Variants in RXRA observed in about 807,000 individuals in gnomAD.
The protein encoded by RXRA is retinoic acid receptor RXR-alpha.
Under a neutral mutation model 44.5 loss-of-function variants are expected in RXRA, and 5 were observed. That is an observed-to-expected ratio of 0.11 (90% confidence interval 0.06 to 0.24). The LOEUF is 0.24. Ranked by LOEUF, RXRA falls within the 10% of genes least tolerant of loss-of-function variation. The pLI is 1.00. For missense variants in RXRA, 412 were observed against 646.5 expected (o/e 0.64, Z 3.93); for synonymous variants, 291 against 271.4 (o/e 1.07, Z -0.71).
intron 1 of RXRA, among the ~76,000 whole-genome samples, chr9:134,377,002 C>A (rs1006232796): frequency 3.3e-5 from 5 of 152,206 alleles, no homozygotes; most frequent in African/African-American, 1.2e-4. Flanking sequence ...GTGCCACGCC[C>A]ACTGTCCTTG....
intron 1 of RXRA, among the ~76,000 whole-genome samples, chr9:134,361,252 C>G (rs920670251): frequency 6.6e-6 from 1 of 152,200 alleles, no homozygotes; most frequent in Non-Finnish European, 1.5e-5. Context: ...AGACCCTTTT[C>G]AATGTCCTCA....
chr9:134,341,804 C>T (rs1240743769), intron 1 of RXRA, among the ~76,000 whole-genome samples: 1 of 152,196 alleles, frequency 6.6e-6, no homozygotes, highest in African/African-American at 2.4e-5. Flanking sequence ...TCCTCTGGGT[C>T]TTGGCCTGAG....
At position 134,366,769 on chromosome 9, in the gene RXRA, C is replaced by T. The variant is rs1369449894; in HGVS notation, c.29-34863C>T. ...CTCCACGGAAAAGGAAGCCTGGCAC[C>T]CCCCATGTTTCACGTAGGCCACCCT... On this transcript the variant is annotated intron_variant, in intron 1 of 9. Transcript: ENST00000481739. This position sits in a 1 kb window ranked among gnomAD's most constrained non-coding sequence, Gnocchi z 5.9. 6.6e-6 allele frequency among the ~76,000 whole-genome samples: 1 copy of T among 152,186 alleles called. No homozygotes were observed. The highest frequency in any genetic ancestry group is 2.4e-5 in the African/African-American group (1 of 41,436).
intron 1 of RXRA, among the ~76,000 whole-genome samples, chr9:134,367,678 C>T (rs1465727564): frequency 6.6e-6 from 1 of 152,210 alleles, no homozygotes; most frequent in Non-Finnish European, 1.5e-5. Context: ...CCTGCCTGTG[C>T]AGGGGGTGTG....
At chr9:134,345,822 T>C (rs1830143503) in intron 1 of RXRA, among the ~76,000 whole-genome samples, 1 of 152,196 alleles carries the variant, frequency 6.6e-6, no homozygotes, top group African/African-American at 2.4e-5. Context: ...GCCCGGCTCA[T>C]TCATGACTAA....
intron 2 of RXRA, chr9:134,402,387 G>T: frequency 6.4e-6 from 1 of 156,396 alleles, no homozygotes; most frequent in Non-Finnish European, 1.4e-5. Flanking sequence ...AGGTGTGGCA[G>T]CGGTGCTCTG....
chr9:134,342,993 A>G lies in RXRA; in HGVS notation c.28+16334A>G, dbSNP rs11185653. On this transcript the variant is annotated intron_variant, in intron 1 of 9. Coordinates refer to ENST00000481739, the MANE Select transcript of RXRA (RefSeq NM_002957.6). The surrounding 1 kb of genome is among the most constrained non-coding windows in gnomAD (Gnocchi z 4.4). ...GGAAACCCAATCCCGCAGCCTAGGCAGTGGGGGGACCTCCTTCTAGAGAGG... is the reference window on the plus strand; with the variant it reads ...GGAAACCCAATCCCGCAGCCTAGGCGGTGGGGGGACCTCCTTCTAGAGAGG... Among the ~76,000 whole-genome samples, 50,617 of 152,066 alleles carry G rather than the reference A, an allele frequency of 0.33. 8,748 individuals carry two copies. The highest frequency in any genetic ancestry group is 0.42 in the African/African-American group (17,271 of 41,458).
At chr9:134,435,913 T>A (rs866388331) in intron 9 of RXRA, among the ~76,000 whole-genome samples, 30 of 152,380 alleles carry the variant, frequency 2.0e-4, no homozygotes, top group Middle Eastern at 6.8e-3. Flanking sequence ...TCGCCCAGGC[T>A]GGAGTGCAGT....
intron 2 of RXRA, chr9:134,403,188 G>A (rs1049957744): frequency 5.2e-5 from 8 of 152,598 alleles, no homozygotes; most frequent in Admixed American, 5.2e-4. Flanking sequence ...ACCTGGCCCT[G>A]TTTAGAGCTG....
In RXRA at chr9:134,434,227, A is replaced by C. The variant is rs1334205818; in HGVS notation, c.1241+20A>C. 6.4e-7 allele frequency: 1 copy of C among 1,565,650 alleles called. No individual in the cohort carries two copies. The highest frequency in any genetic ancestry group is 8.8e-7 in the Non-Finnish European group (1 of 1,137,196). Reference sequence around the variant, plus strand: ...GGGAAGGTGGGTCCCGCCCCGTCCCACACACACCCCAGACCCAGGCTCTTG... The same window carrying C: ...GGGAAGGTGGGTCCCGCCCCGTCCCCCACACACCCCAGACCCAGGCTCTTG... On this transcript the variant is annotated intron_variant, in intron 9 of 9. Transcript: ENST00000481739.
At chr9:134,346,798 G>T (rs1830158824) in intron 1 of RXRA, among the ~76,000 whole-genome samples, 1 of 152,228 alleles carries the variant, frequency 6.6e-6, no homozygotes, top group Admixed American at 6.5e-5. Context: ...CTGAGGGAGG[G>T]TCCTCCTGGA....
chr9:134,429,043 GC>G (rs2119203334), intron 6 of RXRA, 64 bp from the exon 7 acceptor site: 1 of 1,594,254 alleles, frequency 6.3e-7, no homozygotes, highest in East Asian at 2.2e-5. Flanking sequence ...CCCACCAGGG[GC>G]TGGGGAAGGG....
At position 134,426,895 on chromosome 9, in the gene RXRA, T is replaced by A. The variant is rs1303927210; in HGVS notation, c.911-2213T>A. ...GGAAGTCTGTCCACACTGGGCCTGG[T>A]GTGGGAAGGGAGGGAGAGCCCTTTC... On this transcript the variant is annotated intron_variant, in intron 6 of 9. Coordinates refer to ENST00000481739, the MANE Select transcript of RXRA (RefSeq NM_002957.6). The surrounding 1 kb of genome is among the most constrained non-coding windows in gnomAD (Gnocchi z 4.6). The A allele has an allele frequency of 2.0e-6, 2 of 985,180 alleles. No individual in the cohort carries two copies. The highest frequency in any genetic ancestry group is 1.2e-4 in the Admixed American group (2 of 16,266). 61.0% of individuals were successfully genotyped at this position (985,180 alleles called of 1,614,324 possible).
At chr9:134,427,333 C>A (rs1831451944) in intron 6 of RXRA, among the ~76,000 whole-genome samples, 1 of 152,162 alleles carries the variant, frequency 6.6e-6, no homozygotes, top group Non-Finnish European at 1.5e-5. Flanking sequence ...TCTTCTTACT[C>A]CCCATCGCAA....
In RXRA at chr9:134,436,938, G is replaced by A. The variant is rs988884833; in HGVS notation, c.*324G>A. The A allele has an allele frequency of 3.6e-5, 11 of 306,992 alleles. No homozygotes were observed. The highest frequency in any genetic ancestry group is 6.6e-5 in the East Asian group (1 of 15,162). The allele number at this position is 306,992 out of a possible 1,614,324, so 19.0% of individuals were successfully genotyped here. A position where few individuals can be genotyped will look rare whatever the true frequency, so the allele number is the denominator to read the frequency against. On this transcript the variant is annotated 3_prime_UTR_variant, in exon 10 of 10. Transcript: ENST00000481739. ...GGGCTTGGGCGACTACAGGGTCTTC[G>A]GGCCCCAGCCCTGGAGCTGCAGGAG...
intron 1 of RXRA, among the ~76,000 whole-genome samples, chr9:134,329,110 C>G (rs1834962199): frequency 6.6e-6 from 1 of 152,256 alleles, no homozygotes; most frequent in Non-Finnish European, 1.5e-5. Flanking sequence ...CAGACCACAC[C>G]AGACCCCATG....
chr9:134,406,843 C>T (rs769793678), intron 2 of RXRA, among the ~76,000 whole-genome samples: 1 of 152,228 alleles, frequency 6.6e-6, no homozygotes, highest in Non-Finnish European at 1.5e-5. Context: ...GCCCAGGCAC[C>T]GCACCCCTCT....
intron 1 of RXRA, among the ~76,000 whole-genome samples, chr9:134,359,010 C>A (rs776762335): frequency 6.6e-6 from 1 of 152,144 alleles, no homozygotes; most frequent in Non-Finnish European, 1.5e-5. Context: ...TCAACAGGGT[C>A]CAGGGAGCAT....
rs940154350 is a variant in RXRA, at chr9:134,422,902, TCTC to T, written c.910+1102_910+1104del. 2.4e-5 allele frequency: 24 copies of T among 985,238 alleles called. No homozygotes were observed. The South Asian group carries it at 3.8e-4, about 15-fold the overall frequency. The allele number at this position is 985,238 out of a possible 1,614,324, so 61.0% of individuals were successfully genotyped here. ...AGGAGAGCCACGTGCTCTCTGCCCT[TCTC>T]CTCCCACTCCAAGGCCGCAGCTCTC... On this transcript the variant is annotated intron_variant, in intron 6 of 9. Transcript: ENST00000481739.
Sources: gnomAD v4.1 joint callset for allele counts (sites outside exome capture counted in the v4.1 genomes callset) on GRCh38, gnomAD v4.1.1 for gene constraint, Gnocchi (gnomAD v3.1) non-coding constraint, MANE v1.5 for transcripts, NCBI Gene and HGNC (gene_info 2026-07-23, HGNC 2026-07-21) for gene names.